Variants in ADGRL3 observed in about 807,000 individuals in gnomAD.
ADGRL3 encodes calcium-independent alpha-latrotoxin receptor 3.
A neutral mutation model predicts 153.5 loss-of-function variants in ADGRL3; 62 were observed. That is an observed-to-expected ratio of 0.40 (90% CI 0.33 to 0.50). The LOEUF is 0.50. Among genes scored for constraint, ADGRL3 ranks in the 20% least tolerant of loss-of-function variants. The pLI is 0.47. For synonymous variants in ADGRL3, 710 were observed against 672.5 expected, an observed-to-expected ratio of 1.06 and a Z score of -0.86; for missense variants, 1,641 against 1,859.4, an observed-to-expected ratio of 0.88 and a Z score of 2.16.
intron 6 of ADGRL3, among the ~76,000 whole-genome samples, chr4:61,678,855 G>A (rs912763337): frequency 6.6e-6 from 1 of 151,924 alleles, no homozygotes; most frequent in African/African-American, 2.4e-5. Context: ...TGCAGAATTG[G>A]AATTCATTTA....
In ADGRL3 at chr4:61,228,976, G is replaced by A. The variant is rs929254780; in HGVS notation, c.-240+27211G>A. On this transcript the variant is annotated intron_variant, in intron 1 of 26. Transcript: ENST00000683033. ...CACAGTGCTGGAATTACAGGCGTGAGCCACCACACCTGGCCTCTTATTTAT... is the reference window on the plus strand; with the variant it reads ...CACAGTGCTGGAATTACAGGCGTGAACCACCACACCTGGCCTCTTATTTAT... Among the ~76,000 whole-genome samples, 10 of 152,302 alleles carry A rather than the reference G, an allele frequency of 6.6e-5. 1 individual carries two copies. The highest frequency in any genetic ancestry group is 8.8e-5 in the Non-Finnish European group (6 of 68,030).
chr4:61,291,210 A>ATG (rs1553894991), intron 1 of ADGRL3, among the ~76,000 whole-genome samples: 2 of 133,458 alleles, frequency 1.5e-5, no homozygotes, highest in African/African-American at 2.7e-5. Flanking sequence ...ACACACACAC[A>ATG]CACACACGCA....
chr4:61,229,139 T>C (rs186683903), intron 1 of ADGRL3, among the ~76,000 whole-genome samples: 60 of 152,316 alleles, frequency 3.9e-4, no homozygotes, highest in Admixed American at 2.0e-3. Context: ...GCCTATAGGC[T>C]GAGGCTTTGA....
intron 6 of ADGRL3, among the ~76,000 whole-genome samples, chr4:61,696,580 A>T (rs2095646091): frequency 6.8e-6 from 1 of 147,194 alleles, no homozygotes; most frequent in Non-Finnish European, 1.5e-5. Context: ...CAAAAATCTT[A>T]TTTTTTAAAT....
At chr4:61,677,086 C>T in intron 6 of ADGRL3, 151 bp downstream of exon 6, 1 of 581,866 alleles carries the variant, frequency 1.7e-6, no homozygotes, top group South Asian at 2.2e-5. Context: ...TAGACCCTCC[C>T]TGCCATCAGA....
intron 1 of ADGRL3, among the ~76,000 whole-genome samples, chr4:61,205,872 T>G (rs959302508): frequency 6.6e-6 from 1 of 152,106 alleles, no homozygotes; most frequent in Non-Finnish European, 1.5e-5. Context: ...GTGTGCAAGT[T>G]TTTCCCCAAA....
At chr4:61,918,383 A>G (rs571673931) in intron 13 of ADGRL3, among the ~76,000 whole-genome samples, 5 of 152,356 alleles carry the variant, frequency 3.3e-5, no homozygotes, top group Non-Finnish European at 7.3e-5. Flanking sequence ...GTCATTAAAT[A>G]TACAAGCATG....
At chr4:61,704,645 A>C (rs1489819921) in intron 6 of ADGRL3, among the ~76,000 whole-genome samples, 2 of 152,198 alleles carry the variant, frequency 1.3e-5, no homozygotes, top group African/African-American at 4.8e-5. Context: ...TCCCTTTCAC[A>C]AAGAATTCCT....
rs147437627 is a variant in ADGRL3 at position 61,582,433 on chromosome 4, G to C, written c.260-4794G>C. On this transcript the variant is annotated intron_variant, in intron 4 of 26. Transcript: ENST00000683033. ...AGCTCCCACTTATAAGTGAAAACATGTGGTGTTTGGTTTTCTGTTCCTGTG... is the reference window on the plus strand; with the variant it reads ...AGCTCCCACTTATAAGTGAAAACATCTGGTGTTTGGTTTTCTGTTCCTGTG... Among the ~76,000 whole-genome samples the C allele has an allele frequency of 5.0e-3, 765 of 152,088 alleles. 7 individuals carry two copies. The highest frequency in any genetic ancestry group is 0.016 in the African/African-American group (665 of 41,530).
At chr4:61,846,614 TG>T (rs1309077452) in intron 9 of ADGRL3, among the ~76,000 whole-genome samples, 1 of 152,110 alleles carries the variant, frequency 6.6e-6, no homozygotes, top group East Asian at 1.9e-4. Flanking sequence ...TTAATTTGTG[TG>T]GTATGTTAGT....
At chr4:61,810,014 T>C (rs2097592572) in intron 8 of ADGRL3, among the ~76,000 whole-genome samples, 1 of 152,150 alleles carries the variant, frequency 6.6e-6, no homozygotes, top group South Asian at 2.1e-4. Flanking sequence ...GTTATATGAC[T>C]AATAAATGGC....
intron 4 of ADGRL3, among the ~76,000 whole-genome samples, chr4:61,526,365 C>T (rs1273956499): frequency 4.0e-5 from 6 of 151,524 alleles, no homozygotes; most frequent in African/African-American, 9.7e-5. Context: ...GGAAATATGA[C>T]TAAGTTTAGT....
At position 62,075,229 on chromosome 4, in the gene ADGRL3, A is replaced by C. The variant is rs1746766671; in HGVS notation, c.*4321A>C. On this transcript the variant is annotated 3_prime_UTR_variant, in exon 27 of 27. Transcript: ENST00000683033. ...GAGATGGGGTCTTGCTCTGTCACAA[A>C]GACTGAAGGGCAGTGGCACAATCCC... 1 of 152,154 alleles carries C rather than the reference A, an allele frequency of 6.6e-6. No homozygotes were observed. The highest frequency in any genetic ancestry group is 2.4e-5 in the African/African-American group (1 of 41,418). The allele number at this position is 152,154 out of a possible 1,614,324, so 9.4% of individuals were successfully genotyped here. A position where few individuals can be genotyped will look rare whatever the true frequency, so the allele number is the denominator to read the frequency against.
Position 61,692,461 on chromosome 4 carries a change from G to A in ADGRL3, c.583+15526G>A, listed in dbSNP as rs556973555. The stretch of plus-strand genomic sequence containing the variant: ...CTCTTCCTATTTTTTTTTTTTTTTT[G>A]AGACAGTGTCTTGCTTTGTCACCTA... On this transcript the variant is annotated intron_variant, in intron 6 of 26. Coordinates refer to ENST00000683033, the MANE Select transcript of ADGRL3 (RefSeq NM_001387552.1). 8.4e-4 allele frequency among the ~76,000 whole-genome samples: 90 copies of A among 107,474 alleles called. 1 individual carries two copies. Among genetic ancestry groups the A allele is most frequent in the Middle Eastern group, 0.011 (2 of 182 alleles). 70.5% of individuals were successfully genotyped at this position (107,474 alleles called of 152,430 possible).
intron 1 of ADGRL3, among the ~76,000 whole-genome samples, chr4:61,235,085 T>A (rs1752318308): frequency 1.3e-5 from 2 of 152,142 alleles, no homozygotes; most frequent in African/African-American, 4.8e-5. Flanking sequence ...TAACAGTATC[T>A]ACTTTAAGGC....
At chr4:61,753,133 C>T (rs866582909) in intron 8 of ADGRL3, among the ~76,000 whole-genome samples, 8 of 150,190 alleles carry the variant, frequency 5.3e-5, no homozygotes, top group Middle Eastern at 3.4e-3. Flanking sequence ...TATCTCATTT[C>T]GGGAGACACC....
intron 1 of ADGRL3, among the ~76,000 whole-genome samples, chr4:61,333,892 A>G (rs1232599435): frequency 1.3e-5 from 2 of 150,748 alleles, no homozygotes; most frequent in East Asian, 2.0e-4. Flanking sequence ...CTGGAATTAC[A>G]GGCATGAGCC....
Position 61,935,938 on chromosome 4 carries a change from G to A in ADGRL3, c.2312G>A (p.Arg771Lys), listed in dbSNP as rs765013376. Residue 771 changes from arginine (R) to lysine (K), a missense_variant, in exon 15 of 27, where the codon AGA becomes AAA. Transcript: ENST00000683033. ...ATATTAACAGAATTGGAAGTTGCAA[G>A]ACTGAGCACAGAAGGAAACTTAGAA... is the stretch of plus-strand genomic sequence containing the variant. ...NTDNIKLEVA[R>K]LSTEGNLEDL... The A allele has an allele frequency of 1.9e-6, 3 of 1,594,608 alleles. No homozygotes were observed. Among genetic ancestry groups the A allele is most frequent in the African/African-American group, 1.3e-5 (1 of 74,616 alleles).
chr4:61,813,927 T>C, intron 9 of ADGRL3, 38 bp downstream of exon 9: 2 of 1,607,534 alleles, frequency 1.2e-6, no homozygotes, highest in East Asian at 2.2e-5. Flanking sequence ...GTAACTCTGC[T>C]CATTCTTTGA....
Sources: allele counts gnomAD v4.1 joint callset (sites outside exome capture counted in the v4.1 genomes callset), GRCh38; gene constraint gnomAD v4.1.1; transcripts MANE v1.5; gene names NCBI Gene and HGNC (gene_info 2026-07-23, HGNC 2026-07-21).